Variants in TPX2 observed in about 807,000 individuals in gnomAD.
The protein encoded by TPX2 is targeting protein for Xklp2.
Under a neutral mutation model 93.6 loss-of-function variants are expected in TPX2, and 21 were observed. The ratio of observed to expected loss-of-function variants is 0.22; its 90% CI spans 0.16 to 0.32. The LOEUF is 0.32. TPX2 is among the 10% of genes least tolerant of loss of function. The probability of loss-of-function intolerance (pLI) is 1.00; values close to 1 mark genes in which losing one functional copy is unlikely to be tolerated. For synonymous variants in TPX2, 281 were observed against 298.3 expected (o/e 0.94, Z 0.60); for missense variants, 776 against 871.1 (o/e 0.89, Z 1.37).
At chr20:31,765,314 C>CA (rs796500792) in intron 4 of TPX2, among the ~76,000 whole-genome samples, 3,496 of 53,522 alleles carry the variant, frequency 0.065, 150 homozygotes, top group African/African-American at 0.17. Context: ...TATTGAAAAG[C>CA]AAAAAAAAAA....
At chr20:31,781,361 G>A (rs1312010489) in intron 10 of TPX2, among the ~76,000 whole-genome samples, 1 of 149,802 alleles carries the variant, frequency 6.7e-6, no homozygotes, top group Non-Finnish European at 1.5e-5. Context: ...CGCCTTCCAG[G>A]TTCATGCCAT....
chr20:31,743,048 T>C (rs2122936712), intron 2 of TPX2, among the ~76,000 whole-genome samples: 1 of 152,212 alleles, frequency 6.6e-6, no homozygotes, highest in East Asian at 1.9e-4. Context: ...ACCCCATCTC[T>C]ACTAAAAATA....
chr20:31,797,566 C>T (rs1309656508), intron 16 of TPX2, 51 bp downstream of exon 16: 1 of 1,500,110 alleles, frequency 6.7e-7, no homozygotes, highest in Admixed American at 1.7e-5. Flanking sequence ...TCAGACTTCC[C>T]AGTGGGATGC....
rs1274202104 is a variant in TPX2 at position 31,783,912 on chromosome 20, A to C, written c.1404A>C (p.Glu468Asp). ...HSRPCPTKIL[E>D]DVVGVPEKKV... ...GACCTTGCCCTACTAAGATTTTGGA[A>C]GATGTTGTGGTAAGGTTGAGGCTAT... is the stretch of plus-strand genomic sequence containing the variant. Residue 468 changes from glutamate to aspartate, a missense_variant, in exon 12 of 18, where the codon GAA becomes GAC. By Grantham distance (45) the Glu-to-Asp change is conservative. Around this residue, in one of 3 missense-constraint regions of TPX2, gnomAD observed 461 missense variants for 551.2 expected, o/e 0.84. Coordinates refer to ENST00000300403, the MANE Select transcript of TPX2 (RefSeq NM_012112.5). The C allele has an allele frequency of 5.0e-6, 8 of 1,613,218 alleles. No homozygotes were observed. The African/African-American group carries it at 9.3e-5, about 19-fold the overall frequency.
intron 12 of TPX2, among the ~76,000 whole-genome samples, chr20:31,789,325 A>C (rs573349617): frequency 3.3e-5 from 5 of 152,314 alleles, no homozygotes; most frequent in African/African-American, 1.2e-4. Flanking sequence ...CAGCACAAGC[A>C]CTCTGATATC....
At chr20:31,777,676 T>C in intron 9 of TPX2, 38 bp downstream of exon 9, 2 of 1,598,780 alleles carry the variant, frequency 1.3e-6, no homozygotes, top group Non-Finnish European at 1.7e-6. Flanking sequence ...CTGTTACTAA[T>C]ATTCATTTAG....
chr20:31,775,638 A>G (rs1019313145), intron 7 of TPX2, among the ~76,000 whole-genome samples: 8 of 152,106 alleles, frequency 5.3e-5, no homozygotes, highest in Non-Finnish European at 1.2e-4. Flanking sequence ...GGCCTCCCAA[A>G]GTGCTGGGAT....
chr20:31,777,132 T>A (rs1011065767), intron 8 of TPX2, among the ~76,000 whole-genome samples: 2 of 152,196 alleles, frequency 1.3e-5, no homozygotes, highest in African/African-American at 4.8e-5. Flanking sequence ...CTCTTAGAGA[T>A]GCTGAGTTAA....
intron 2 of TPX2, among the ~76,000 whole-genome samples, 188 bp from the exon 3 acceptor site, chr20:31,757,219 A>G (rs148083444): frequency 6.6e-6 from 1 of 152,226 alleles, no homozygotes; most frequent in Non-Finnish European, 1.5e-5. Flanking sequence ...ACTTCTTTCT[A>G]ATTCCAAACA....
intron 8 of TPX2, among the ~76,000 whole-genome samples, chr20:31,777,141 A>G (rs1452601628): frequency 6.6e-6 from 1 of 152,192 alleles, no homozygotes; most frequent in Non-Finnish European, 1.5e-5. Context: ...ATGCTGAGTT[A>G]ACTGTGCTTT....
chr20:31,753,691 G>A (rs1487076230), intron 2 of TPX2, among the ~76,000 whole-genome samples: 2 of 152,268 alleles, frequency 1.3e-5, no homozygotes, highest in East Asian at 1.9e-4. Context: ...GTTCTCTGGG[G>A]TCTAGATTGA....
intron 3 of TPX2, among the ~76,000 whole-genome samples, chr20:31,758,714 T>A (rs2061867782): frequency 6.6e-6 from 1 of 152,260 alleles, no homozygotes; most frequent in Admixed American, 6.5e-5. Context: ...GGAAAAGGAC[T>A]TTAATGGCAT....
intron 7 of TPX2, among the ~76,000 whole-genome samples, chr20:31,774,671 G>A (rs2061984763): frequency 6.6e-6 from 1 of 152,158 alleles, no homozygotes; most frequent in East Asian, 1.9e-4. Context: ...TGACAGGGTT[G>A]GGATTTAGTC....
chr20:31,777,780 C>CT (rs201232874), intron 9 of TPX2, 142 bp downstream of exon 9: 154,948 of 643,354 alleles, frequency 0.24, 7,881 homozygotes, highest in African/African-American at 0.46. Flanking sequence ...TATAACAGAT[C>CT]TTTTTTTTTT....
At chr20:31,754,913 A>G (rs994633989) in intron 2 of TPX2, among the ~76,000 whole-genome samples, 4 of 152,050 alleles carry the variant, frequency 2.6e-5, no homozygotes, top group Admixed American at 2.6e-4. Context: ...TATATGAGGG[A>G]GAAGACATCT....
intron 16 of TPX2, 110 bp from the exon 17 acceptor site, chr20:31,798,255 G>T: frequency 7.3e-7 from 1 of 1,376,704 alleles, no homozygotes; most frequent in South Asian, 1.2e-5. Flanking sequence ...CTTGTTTAGA[G>T]CACAGTCTTC....
At chr20:31,751,504 A>G (rs981472820) in intron 2 of TPX2, among the ~76,000 whole-genome samples, 3 of 152,172 alleles carry the variant, frequency 2.0e-5, no homozygotes, top group African/African-American at 7.2e-5. Context: ...TCCTTTGAAT[A>G]GAAATGTGGT....
chr20:31,786,884 A>G (rs1171559034), intron 12 of TPX2, among the ~76,000 whole-genome samples: 1 of 152,148 alleles, frequency 6.6e-6, no homozygotes, highest in Non-Finnish European at 1.5e-5. Flanking sequence ...ACAGATCTGC[A>G]AAGCACTAGG....
chr20:31,786,408 T>TG (rs2062066914), intron 12 of TPX2, among the ~76,000 whole-genome samples: 13 of 143,888 alleles, frequency 9.0e-5, no homozygotes, highest in Admixed American at 8.8e-4. Flanking sequence ...CTGTTTTTTT[T>TG]TTTTTTTGAG....
Sources: allele counts gnomAD v4.1 joint callset (sites outside exome capture counted in the v4.1 genomes callset), GRCh38; gene constraint gnomAD v4.1.1; regional missense constraint gnomAD v4.1.1; transcripts MANE v1.5; gene names NCBI Gene and HGNC (gene_info 2026-07-23, HGNC 2026-07-21).